Variants in PTER observed in about 807,000 individuals in gnomAD.
PTER encodes the protein phosphotriesterase related.
A neutral mutation model predicts 29.6 loss-of-function variants in PTER; 38 were observed. The ratio of observed to expected loss-of-function variants is 1.28; its 90% confidence interval spans 0.99 to 1.68. PTER has a LOEUF of 1.68. Among genes scored for constraint, PTER ranks in the 40% most tolerant of loss-of-function variants. The pLI is 0.00. For missense variants in PTER, 482 were observed against 427.8 expected (o/e 1.13, Z -1.12); for synonymous variants, 172 against 154.5 (o/e 1.11, Z -0.84).
intron 4 of PTER, among the ~76,000 whole-genome samples, chr10:16,508,900 G>A (rs1044094233): frequency 3.3e-5 from 5 of 152,114 alleles, no homozygotes; most frequent in African/African-American, 1.2e-4. Context: ...CCTTTTCTGA[G>A]CCATCGTAGT....
Position 16,439,947 on chromosome 10 carries a change from C to A in PTER, c.-49+2900C>A, listed in dbSNP as rs141805998. 2.3e-3 allele frequency among the ~76,000 whole-genome samples: 352 copies of A among 152,222 alleles called. 3 individuals carry two copies. Among genetic ancestry groups the A allele is most frequent in the African/African-American group, 7.9e-3 (330 of 41,532 alleles). ...ATCAAGCTCGAGTCTGCTCAGTATC[C>A]CTATGAACTTGACTGAGGTAGTTGT... On this transcript the variant is annotated intron_variant, in intron 1 of 4. Transcript: ENST00000535784.
Position 16,513,466 on chromosome 10 carries a change from G to T in PTER, c.*2210G>T, listed in dbSNP as rs569693279. 12 of 142,766 alleles carry T rather than the reference G, an allele frequency of 8.4e-5. No individual in the cohort carries two copies. Among genetic ancestry groups the T allele is most frequent in the African/African-American group, 2.6e-4 (10 of 38,312 alleles). The allele number at this position is 142,766 out of a possible 1,614,324, so 8.8% of individuals were successfully genotyped here. Reference sequence around the variant, plus strand: ...TTTCATCTAATATATATATGTGTGTGTGAGTATATGTGTGCATGTTTAGCA... The same window carrying T: ...TTTCATCTAATATATATATGTGTGTTTGAGTATATGTGTGCATGTTTAGCA... On this transcript the variant is annotated 3_prime_UTR_variant, in exon 5 of 5. Transcript: ENST00000535784.
chr10:16,479,774 T>A (rs1419690467), intron 1 of PTER, among the ~76,000 whole-genome samples: 2 of 152,018 alleles, frequency 1.3e-5, no homozygotes, highest in African/African-American at 4.8e-5. Context: ...ACTACCTGAT[T>A]TTTTCTGGAT....
intron 1 of PTER, among the ~76,000 whole-genome samples, chr10:16,454,420 C>CA (rs1293578861): frequency 2.6e-5 from 4 of 151,766 alleles, no homozygotes; most frequent in African/African-American, 9.7e-5. Flanking sequence ...ACTAAAAATA[C>CA]AAAAAATTAG....
chr10:16,478,317 T>C lies in PTER; in HGVS notation c.-48-6020T>C, dbSNP rs543626130. On this transcript the variant is annotated intron_variant, in intron 1 of 4. Coordinates refer to ENST00000535784, the MANE Select transcript of PTER (RefSeq NM_001261836.2). ...ATACTGTTTTCTTCCTCCCTCTCCCTTTTCCTCCCTCGTTTCCGTTTTTTT... is the reference window on the plus strand; with the variant it reads ...ATACTGTTTTCTTCCTCCCTCTCCCCTTTCCTCCCTCGTTTCCGTTTTTTT... Among the ~76,000 whole-genome samples, 4 of 149,936 alleles carry C rather than the reference T, an allele frequency of 2.7e-5. No individual in the cohort carries two copies. In the East Asian group the frequency reaches 8.0e-4, roughly 30 times the overall value.
intron 1 of PTER, among the ~76,000 whole-genome samples, chr10:16,438,595 C>T (rs1313371185): frequency 6.6e-6 from 1 of 150,602 alleles, no homozygotes; most frequent in Non-Finnish European, 1.5e-5. Context: ...AGGCGTGAGC[C>T]ACTGCGCCTG....
rs189404647 is a variant in PTER at position 16,510,028 on chromosome 10, C to T, written c.840-1018C>T. Among the ~76,000 whole-genome samples, 247 of 152,134 alleles carry T rather than the reference C, an allele frequency of 1.6e-3. 1 individual carries two copies. Among genetic ancestry groups the T allele is most frequent in the Middle Eastern group, 6.8e-3 (2 of 294 alleles). Reference sequence around the variant, plus strand: ...AATGCTTTTGAAACAAAAAAGATACCTTTCAAATAATCAGCCTCTGGAGGA... The same window carrying T: ...AATGCTTTTGAAACAAAAAAGATACTTTTCAAATAATCAGCCTCTGGAGGA... On this transcript the variant is annotated intron_variant, in intron 4 of 4. Transcript: ENST00000535784.
chr10:16,514,760 C>G, downstream of PTER: 1 of 1,420,700 alleles, frequency 7.0e-7, no homozygotes. Flanking sequence ...CTCAAGTTTT[C>G]TTTTTTGCCA....
intron 1 of PTER, among the ~76,000 whole-genome samples, chr10:16,472,958 C>G (rs958597079): frequency 6.6e-6 from 1 of 151,158 alleles, no homozygotes; most frequent in African/African-American, 2.4e-5. Context: ...GTAATTTAAT[C>G]GAGTAGGTCT....
chr10:16,508,368 T>G (rs536151983), intron 4 of PTER, among the ~76,000 whole-genome samples: 1 of 152,166 alleles, frequency 6.6e-6, no homozygotes, highest in African/African-American at 2.4e-5. Flanking sequence ...GCGCCCGGCC[T>G]CAACACATGT....
chr10:16,462,540 C>T (rs144694218), intron 1 of PTER, among the ~76,000 whole-genome samples: 3 of 149,000 alleles, frequency 2.0e-5, no homozygotes, highest in African/African-American at 4.9e-5. Flanking sequence ...TCCAGCCCTG[C>T]GATTTGTGCT....
chr10:16,446,368 A>G (rs1419660992), intron 1 of PTER, among the ~76,000 whole-genome samples: 1 of 152,018 alleles, frequency 6.6e-6, no homozygotes, highest in Non-Finnish European at 1.5e-5. Flanking sequence ...AAAGGCGTGC[A>G]CCACAATGCC....
intron 1 of PTER, among the ~76,000 whole-genome samples, chr10:16,450,046 T>G (rs1181206949): frequency 5.9e-5 from 9 of 152,314 alleles, no homozygotes; most frequent in Middle Eastern, 3.4e-3. Flanking sequence ...AACTTTATGT[T>G]CCATCCACCA....
chr10:16,460,461 C>T (rs556174308), intron 1 of PTER, among the ~76,000 whole-genome samples: 10 of 152,174 alleles, frequency 6.6e-5, no homozygotes, highest in African/African-American at 2.4e-4. Flanking sequence ...ATAGTTTATT[C>T]CAGCTCAAAA....
chr10:16,465,847 T>C (rs976283625), intron 1 of PTER, among the ~76,000 whole-genome samples: 1 of 152,032 alleles, frequency 6.6e-6, no homozygotes. Flanking sequence ...ACGCATGTCT[T>C]ACATGGCAGC....
intron 1 of PTER, among the ~76,000 whole-genome samples, chr10:16,470,787 C>A (rs1588603650): frequency 2.6e-5 from 4 of 151,828 alleles, no homozygotes; most frequent in South Asian, 2.1e-4. Flanking sequence ...AAAAAAAATT[C>A]TTCTTATGGT....
intron 3 of PTER, among the ~76,000 whole-genome samples, chr10:16,489,124 G>C (rs1251413900): frequency 6.6e-6 from 1 of 151,986 alleles, no homozygotes; most frequent in South Asian, 2.1e-4. Flanking sequence ...CCATCCACGT[G>C]CATCACTGAG....
chr10:16,467,203 G>A (rs774396653), intron 1 of PTER, among the ~76,000 whole-genome samples: 2 of 152,104 alleles, frequency 1.3e-5, no homozygotes, highest in South Asian at 2.1e-4. Flanking sequence ...GAGAGAAACC[G>A]CATTCACGTA....
At chr10:16,442,588 T>C (rs936680640) in intron 1 of PTER, among the ~76,000 whole-genome samples, 1 of 151,932 alleles carries the variant, frequency 6.6e-6, no homozygotes. Context: ...TGGGCAACAG[T>C]GAGACTCCCA....
Sources: gnomAD v4.1 joint callset for allele counts (sites outside exome capture counted in the v4.1 genomes callset) on GRCh38, gnomAD v4.1.1 for gene constraint, MANE v1.5 for transcripts, NCBI Gene and HGNC (gene_info 2026-07-23, HGNC 2026-07-21) for gene names.